The following PDE4D variants were observed in gnomAD, a reference collection of about 807,000 sequenced individuals.
The protein encoded by PDE4D is 3',5'-cyclic-AMP phosphodiesterase 4D.
PDE4D carries 24 observed loss-of-function variants against 87.4 expected under a neutral mutation model. That is an observed-to-expected ratio of 0.27 (90% confidence interval 0.20 to 0.39). The LOEUF is 0.39. Among genes scored for constraint, PDE4D ranks in the 10% least tolerant of loss-of-function variants. PDE4D has a pLI of 1.00. For synonymous variants in PDE4D, 384 were observed against 383.2 expected, an observed-to-expected ratio of 1.00 and a Z score of -0.02; for missense variants, 714 against 1,041.0, an observed-to-expected ratio of 0.69 and a Z score of 4.32.
intron 1 of PDE4D, among the ~76,000 whole-genome samples, chr5:59,774,766 C>T (rs935856487): frequency 1.3e-5 from 2 of 150,742 alleles, no homozygotes; most frequent in South Asian, 4.2e-4. Context: ...CAGCTCACTG[C>T]AACCTCCACC....
chr5:59,039,253 G>T, intron 5 of PDE4D: 5 of 1,210,170 alleles, frequency 4.1e-6, no homozygotes, highest in Middle Eastern at 3.3e-4. Context: ...TTCACACAGC[G>T]ACGCGAGCGG....
chr5:60,500,137 C>T (rs1225016630), intron 1 of PDE4D, among the ~76,000 whole-genome samples: 1 of 151,522 alleles, frequency 6.6e-6, no homozygotes, highest in Non-Finnish European at 1.5e-5. Flanking sequence ...GAGACACCAT[C>T]TCTAGAAAAA....
intron 1 of PDE4D, among the ~76,000 whole-genome samples, chr5:60,516,893 C>G (rs932876467): frequency 3.3e-5 from 5 of 152,176 alleles, no homozygotes; most frequent in Non-Finnish European, 7.4e-5. Context: ...GAGCTGGGAA[C>G]AGGCAGAAGC....
At chr5:59,952,440 G>A (rs753599901) in intron 3 of PDE4D, among the ~76,000 whole-genome samples, 1 of 152,014 alleles carries the variant, frequency 6.6e-6, no homozygotes, top group Non-Finnish European at 1.5e-5. Context: ...CCCTAACCTG[G>A]CATTAGCTAA....
At chr5:59,420,528 T>A (rs1216775841) in intron 1 of PDE4D, among the ~76,000 whole-genome samples, 1 of 152,094 alleles carries the variant, frequency 6.6e-6, no homozygotes, top group African/African-American at 2.4e-5. Flanking sequence ...GAGGGAAGAC[T>A]TTGCTGACGA....
At chr5:60,412,391 G>A (rs1161400736) in intron 1 of PDE4D, among the ~76,000 whole-genome samples, 2 of 152,128 alleles carry the variant, frequency 1.3e-5, no homozygotes, top group Non-Finnish European at 2.9e-5. Flanking sequence ...TATCTTTTTA[G>A]AGAGCCTTAC....
intron 1 of PDE4D, among the ~76,000 whole-genome samples, chr5:59,354,839 T>C (rs763383268): frequency 6.6e-6 from 1 of 152,244 alleles, no homozygotes; most frequent in Admixed American, 6.5e-5. Context: ...GCATTTTTGC[T>C]GTATGTAAGG....
intron 1 of PDE4D, among the ~76,000 whole-genome samples, chr5:59,568,056 G>A (rs747131794): frequency 2.0e-5 from 3 of 152,150 alleles, no homozygotes; most frequent in Non-Finnish European, 4.4e-5. Context: ...TGAAAGGAAC[G>A]TGTGCTCCTT....
chr5:60,341,382 C>T (rs1414396744), intron 1 of PDE4D, among the ~76,000 whole-genome samples: 2 of 152,176 alleles, frequency 1.3e-5, no homozygotes, highest in Non-Finnish European at 2.9e-5. Flanking sequence ...TGACCATGCC[C>T]TTTCACAGAA....
At chr5:59,455,850 G>A (rs1799843385) in intron 1 of PDE4D, among the ~76,000 whole-genome samples, 3 of 152,222 alleles carry the variant, frequency 2.0e-5, no homozygotes, top group Non-Finnish European at 2.9e-5. Context: ...AGATCATTTT[G>A]GAGCTTTAAG....
At chr5:59,567,658 T>A (rs1009384689) in intron 1 of PDE4D, among the ~76,000 whole-genome samples, 3 of 152,144 alleles carry the variant, frequency 2.0e-5, no homozygotes, top group Non-Finnish European at 4.4e-5. Flanking sequence ...TCTAAGGGTT[T>A]GAGAAAAATT....
chr5:59,555,067 C>T (rs1291415299), intron 1 of PDE4D, among the ~76,000 whole-genome samples: 1 of 152,160 alleles, frequency 6.6e-6, no homozygotes, highest in African/African-American at 2.4e-5. Flanking sequence ...TTCGTTGTAG[C>T]ACTATTCACC....
At chr5:60,256,469 C>T (rs866779308) in intron 1 of PDE4D, among the ~76,000 whole-genome samples, 4 of 151,782 alleles carry the variant, frequency 2.6e-5, no homozygotes, top group African/African-American at 9.7e-5. Flanking sequence ...AAATCAATAA[C>T]CCTAAACTCA....
chr5:60,125,613 G>C (rs1562125372), intron 2 of PDE4D, among the ~76,000 whole-genome samples: 1 of 152,144 alleles, frequency 6.6e-6, no homozygotes, highest in Admixed American at 6.6e-5. Flanking sequence ...GACAGAGAGA[G>C]AGAGAGAGAA....
intron 3 of PDE4D, among the ~76,000 whole-genome samples, chr5:59,954,790 C>T (rs1245983402): frequency 6.6e-6 from 1 of 152,184 alleles, no homozygotes; most frequent in African/African-American, 2.4e-5. Flanking sequence ...ATTAAGTGGA[C>T]TTACATTAAA....
At chr5:60,413,715 A>C (rs35767035) in intron 1 of PDE4D, among the ~76,000 whole-genome samples, 51 of 144,186 alleles carry the variant, frequency 3.5e-4, no homozygotes, top group Middle Eastern at 3.6e-3. Flanking sequence ...TTTTTCGTTT[A>C]TTTTTTTTTT....
At chr5:59,780,009 G>C (rs551586634) in intron 1 of PDE4D, among the ~76,000 whole-genome samples, 3 of 152,230 alleles carry the variant, frequency 2.0e-5, no homozygotes, top group East Asian at 3.9e-4. Context: ...CCCTGTACTA[G>C]TTGTCAATGC....
chr5:59,065,515 A>T (rs1245288755), intron 5 of PDE4D, among the ~76,000 whole-genome samples: 1 of 152,172 alleles, frequency 6.6e-6, no homozygotes, highest in African/African-American at 2.4e-5. Flanking sequence ...AAACAAAAAA[A>T]CCCAAAAAGA....
chr5:59,441,995 TACC>T (rs199721545), intron 1 of PDE4D, among the ~76,000 whole-genome samples: 3,012 of 152,332 alleles, frequency 0.02, 113 homozygotes, highest in African/African-American at 0.068. Context: ...CCATTATAGC[TACC>T]ACAAGATACT....
Sources: gnomAD v4.1 joint callset for allele counts (sites outside exome capture counted in the v4.1 genomes callset) on GRCh38, gnomAD v4.1.1 for gene constraint, MANE v1.5 for transcripts, NCBI Gene and HGNC (gene_info 2026-07-23, HGNC 2026-07-21) for gene names.